The following CUX1 variants were observed in gnomAD, a reference collection of about 807,000 sequenced individuals.
CUX1 encodes the protein cut like homeobox 1.
In CUX1, 31 loss-of-function variants were observed where a neutral mutation model predicts 158.8. That is an observed-to-expected ratio of 0.20 (90% CI 0.15 to 0.26). The LOEUF is 0.26. Ranked by LOEUF, CUX1 falls within the 10% of genes least tolerant of loss-of-function variation. The pLI, the probability that CUX1 is intolerant of heterozygous loss-of-function variation, is 1.00. For synonymous variants in CUX1, 879 were observed against 862.1 expected (o/e 1.02, Z -0.34); for missense variants, 1,589 against 2,014.6 (o/e 0.79, Z 4.04).
chr7:102,266,802 A>G (rs368043281), intron 14 of CUX1, among the ~76,000 whole-genome samples: 2 of 152,186 alleles, frequency 1.3e-5, no homozygotes, highest in African/African-American at 4.8e-5. Flanking sequence ...GACCTTGGCA[A>G]GGACAGTCAG....
chr7:102,200,164 A>T lies in CUX1; in HGVS notation c.2054A>T (p.Gln685Leu). The change falls in exon 17 of 24, where the codon CAG (glutamine) becomes CTG (leucine). Residue 685 changes from glutamine to leucine, a missense_variant. Physicochemically the swap from Gln to Leu is moderately radical, Grantham distance 113. Transcript: ENST00000292535. Reference protein sequence around the residue: ...LEQAKRELQVQKTAEPAQPSS... With the variant: ...LEQAKRELQVLKTAEPAQPSS... ...CAAGCCAAGAGGGAGCTCCAAGTGC[A>T]GAAAACTGGTACAGCTTCCATTTCT... 6 of 1,609,566 alleles carry T rather than the reference A, an allele frequency of 3.7e-6. No homozygotes were observed. Among genetic ancestry groups the T allele is most frequent in the Non-Finnish European group, 5.1e-6 (6 of 1,178,410 alleles).
chr7:101,931,543 C>G (rs1241356497), intron 2 of CUX1, among the ~76,000 whole-genome samples: 1 of 152,148 alleles, frequency 6.6e-6, no homozygotes, highest in Non-Finnish European at 1.5e-5. Flanking sequence ...GAGTAACTTG[C>G]CTAGGCCCAC....
chr7:102,233,632 CA>C (rs1478662951), intron 21 of CUX1, among the ~76,000 whole-genome samples: 1 of 152,026 alleles, frequency 6.6e-6, no homozygotes, highest in Non-Finnish European at 1.5e-5. Context: ...ACTAAAAATA[CA>C]AAAATTAGCC....
At chr7:102,273,506 C>G (rs376105209) in intron 15 of CUX1, 1 of 1,603,520 alleles carries the variant, frequency 6.2e-7, no homozygotes, top group East Asian at 2.2e-5. Context: ...GAGCCCACCC[C>G]CCTGCCCCAT....
downstream of CUX1, among the ~76,000 whole-genome samples, chr7:102,258,838 A>G (rs1384698776): frequency 6.6e-6 from 1 of 152,184 alleles, no homozygotes; most frequent in Non-Finnish European, 1.5e-5. Context: ...CGAGTGGGAC[A>G]GTGGCTTGCG....
At chr7:102,050,412 G>C (rs974792450) in intron 3 of CUX1, among the ~76,000 whole-genome samples, 2 of 152,128 alleles carry the variant, frequency 1.3e-5, no homozygotes, top group African/African-American at 4.8e-5. Flanking sequence ...GGCTTTCCCT[G>C]TATCTCTGTC....
chr7:101,964,208 C>T (rs1029536805), intron 2 of CUX1, among the ~76,000 whole-genome samples: 1 of 151,990 alleles, frequency 6.6e-6, no homozygotes, highest in African/African-American at 2.4e-5. Context: ...CAAAAATTAG[C>T]CTGGCGCAGT....
intron 4 of CUX1, among the ~76,000 whole-genome samples, chr7:102,094,655 T>C (rs1378319938): frequency 2.0e-5 from 3 of 152,240 alleles, no homozygotes; most frequent in Non-Finnish European, 2.9e-5. Flanking sequence ...TCTTTAAAGA[T>C]ATAATTTGCT....
chr7:101,915,210 G>C (rs1286529188), intron 1 of CUX1, among the ~76,000 whole-genome samples: 1 of 152,176 alleles, frequency 6.6e-6, no homozygotes, highest in African/African-American at 2.4e-5. Flanking sequence ...GGCGCCTGCT[G>C]TCAGCCTGGA....
intron 1 of CUX1, among the ~76,000 whole-genome samples, chr7:101,903,799 C>T (rs1485455441): frequency 1.3e-5 from 2 of 152,112 alleles, no homozygotes; most frequent in Non-Finnish European, 2.9e-5. Context: ...GCATTTTCAT[C>T]TTCGCAGAGT....
chr7:102,204,252 C>T, intron 18 of CUX1, 139 bp from the exon 19 acceptor site: 1 of 1,108,552 alleles, frequency 9.0e-7, no homozygotes, highest in Admixed American at 2.2e-5. Flanking sequence ...CAAGCTGTCA[C>T]CGCCACCAGG....
At chr7:102,266,307 G>A (rs187850722) in intron 14 of CUX1, among the ~76,000 whole-genome samples, 42 of 151,848 alleles carry the variant, frequency 2.8e-4, no homozygotes, top group Admixed American at 2.0e-3. Flanking sequence ...CTGAGCCACC[G>A]AAGGGTCGCA....
At chr7:102,121,760 A>G (rs149834371) in intron 8 of CUX1, among the ~76,000 whole-genome samples, 93 of 152,198 alleles carry the variant, frequency 6.1e-4, no homozygotes, top group Non-Finnish European at 1.0e-3. Flanking sequence ...ATGGATGAGG[A>G]AGCAGTCCCA....
chr7:101,948,866 CAGG>C (rs781332482), intron 2 of CUX1, among the ~76,000 whole-genome samples: 11 of 152,188 alleles, frequency 7.2e-5, no homozygotes, highest in Non-Finnish European at 1.0e-4. Flanking sequence ...AGAGAAATCT[CAGG>C]AGGCACCATG....
chr7:102,258,290 C>CT, downstream of CUX1: 1 of 696,302 alleles, frequency 1.4e-6, no homozygotes, highest in Non-Finnish European at 1.8e-6. Flanking sequence ...GCAGCAAACA[C>CT]TGTCATTCGA....
intron 20 of CUX1, among the ~76,000 whole-genome samples, chr7:102,206,288 C>T (rs1039127409): frequency 3.9e-5 from 6 of 152,154 alleles, no homozygotes; most frequent in South Asian, 2.1e-4. Context: ...GCATCTCACC[C>T]GCGCCGTGGG....
At chr7:101,871,363 T>G (rs2131457836) in intron 1 of CUX1, among the ~76,000 whole-genome samples, 2 of 152,040 alleles carry the variant, frequency 1.3e-5, no homozygotes, top group East Asian at 3.9e-4. Context: ...GGCAGAATCT[T>G]AAGTCTGCAT....
intron 4 of CUX1, among the ~76,000 whole-genome samples, chr7:102,070,715 A>G (rs957500669): frequency 6.6e-6 from 1 of 152,188 alleles, no homozygotes; most frequent in Non-Finnish European, 1.5e-5. Flanking sequence ...TACTGCAGAG[A>G]AGATGCAGAC....
intron 1 of CUX1, among the ~76,000 whole-genome samples, chr7:101,881,617 A>G (rs1799713991): frequency 6.6e-6 from 1 of 152,154 alleles, no homozygotes; most frequent in African/African-American, 2.4e-5. Context: ...ATTACATGGT[A>G]TTTGGGAATT....
Sources: gnomAD v4.1 joint callset for allele counts (sites outside exome capture counted in the v4.1 genomes callset) on GRCh38, gnomAD v4.1.1 for gene constraint, MANE v1.5 for transcripts, NCBI Gene and HGNC (gene_info 2026-07-23, HGNC 2026-07-21) for gene names.